TOM1L2: variants seen among roughly 807,000 people sequenced by gnomAD.
TOM1L2 encodes target of myb1 like 2 membrane trafficking protein.
TOM1L2 carries 31 observed loss-of-function variants against 67.9 expected under a neutral mutation model. That is an observed-to-expected ratio of 0.46 (90% confidence interval 0.34 to 0.62). TOM1L2 has a LOEUF of 0.62. Ranked by LOEUF, TOM1L2 falls within the 20% of genes least tolerant of loss-of-function variation. The pLI is 0.01. For missense variants in TOM1L2, 606 were observed against 663.5 expected, an observed-to-expected ratio of 0.91 and a Z score of 0.95; for synonymous variants, 256 against 254.0, an observed-to-expected ratio of 1.01 and a Z score of -0.07.
At chr17:17,862,377 C>A in intron 11 of TOM1L2, 1 of 195,346 alleles carries the variant, frequency 5.1e-6, no homozygotes. Flanking sequence ...ATGGCTGCAC[C>A]CTCCTGCTTC....
chr17:17,952,971 C>G (rs1047166261), intron 1 of TOM1L2, among the ~76,000 whole-genome samples: 1 of 152,158 alleles, frequency 6.6e-6, no homozygotes, highest in African/African-American at 2.4e-5. Flanking sequence ...GCCTGCCCAC[C>G]ACAATAGGGC....
intron 1 of TOM1L2, among the ~76,000 whole-genome samples, chr17:17,915,077 G>A (rs1289036026): frequency 6.6e-6 from 1 of 152,162 alleles, no homozygotes; most frequent in African/African-American, 2.4e-5. Flanking sequence ...CACCATAGCT[G>A]CATCCAGTAA....
At chr17:17,925,769 C>T (rs909329894) in intron 1 of TOM1L2, among the ~76,000 whole-genome samples, 12 of 150,070 alleles carry the variant, frequency 8.0e-5, no homozygotes, top group African/African-American at 2.5e-4. Flanking sequence ...GTAGGAAGAT[C>T]GCTTGAGCCC....
intron 1 of TOM1L2, among the ~76,000 whole-genome samples, chr17:17,956,578 T>C (rs1184773764): frequency 6.6e-6 from 1 of 152,090 alleles, no homozygotes; most frequent in Non-Finnish European, 1.5e-5. Flanking sequence ...TCGGGCCGCA[T>C]AGGAGCCCAC....
intron 7 of TOM1L2, among the ~76,000 whole-genome samples, chr17:17,877,912 C>T (rs1031129152): frequency 2.0e-5 from 3 of 152,034 alleles, no homozygotes; most frequent in Admixed American, 1.3e-4. Context: ...CCCTCTCCCC[C>T]CAAAACACGA....
At chr17:17,955,182 C>A (rs1568375855) in intron 1 of TOM1L2, among the ~76,000 whole-genome samples, 1 of 152,144 alleles carries the variant, frequency 6.6e-6, no homozygotes, top group Non-Finnish European at 1.5e-5. Context: ...GAAACAAACT[C>A]AACCTAGAAT....
At chr17:17,880,231 C>T (rs528683798) in intron 6 of TOM1L2, among the ~76,000 whole-genome samples, 1 of 152,324 alleles carries the variant, frequency 6.6e-6, no homozygotes, top group African/African-American at 2.4e-5. Flanking sequence ...ACTAGGATCC[C>T]TCTGAGAGGC....
At chr17:17,862,669 G>T in intron 11 of TOM1L2, 62 bp downstream of exon 11, 3 of 1,386,822 alleles carry the variant, frequency 2.2e-6, no homozygotes, top group South Asian at 1.2e-5. Flanking sequence ...GCTGGCCTGT[G>T]ACCAGGCATG....
intron 13 of TOM1L2, chr17:17,849,087 G>A: frequency 1.8e-6 from 1 of 566,924 alleles, no homozygotes; most frequent in Non-Finnish European, 3.1e-6. Flanking sequence ...ATTCAAACAT[G>A]TTTTAGGTTT....
intron 1 of TOM1L2, among the ~76,000 whole-genome samples, chr17:17,922,033 C>A (rs1390271906): frequency 6.6e-6 from 1 of 152,162 alleles, no homozygotes; most frequent in African/African-American, 2.4e-5. Context: ...TATCCAAAGA[C>A]TTCCCAGCTC....
intron 1 of TOM1L2, among the ~76,000 whole-genome samples, chr17:17,934,318 G>A (rs2040437230): frequency 6.6e-6 from 1 of 152,120 alleles, no homozygotes; most frequent in Non-Finnish European, 1.5e-5. Flanking sequence ...ATGTTGGTGT[G>A]CTCCTGTAGT....
At chr17:17,955,098 G>A (rs1352936818) in intron 1 of TOM1L2, among the ~76,000 whole-genome samples, 4 of 152,194 alleles carry the variant, frequency 2.6e-5, no homozygotes, top group African/African-American at 9.6e-5. Flanking sequence ...GGGTGTCATA[G>A]TTAGTCTCTC....
At chr17:17,910,770 C>T (rs1568244873) in intron 1 of TOM1L2, among the ~76,000 whole-genome samples, 1 of 151,994 alleles carries the variant, frequency 6.6e-6, no homozygotes, top group African/African-American at 2.4e-5. Context: ...GGTTTCGGCA[C>T]GTTGGCCAGA....
At chr17:17,907,282 G>GT (rs1449696317) in intron 2 of TOM1L2, among the ~76,000 whole-genome samples, 165 bp downstream of exon 2, 1 of 152,234 alleles carries the variant, frequency 6.6e-6, no homozygotes, top group Non-Finnish European at 1.5e-5. Context: ...GGGGAGGGAT[G>GT]AAGACAAAAA....
intron 1 of TOM1L2, among the ~76,000 whole-genome samples, chr17:17,928,171 G>T (rs192310201): frequency 3.3e-5 from 5 of 151,002 alleles, no homozygotes; most frequent in African/African-American, 9.8e-5. Context: ...AAAAAAATCA[G>T]TAGGAGACAG....
chr17:17,925,682 CAAAAAAAAAAAA>C (rs1193121320), intron 1 of TOM1L2, among the ~76,000 whole-genome samples: 1 of 79,738 alleles, frequency 1.3e-5, no homozygotes, highest in African/African-American at 5.1e-5. Context: ...TCGTGTCTAC[CAAAAAAAAAAAA>C]AAAAAAAAAA....
rs1053236324 is a variant in TOM1L2 at position 17,903,630 on chromosome 17, AT to A, written c.137+3816del. Among the ~76,000 whole-genome samples, 96 of 150,516 alleles carry A rather than the reference AT, an allele frequency of 6.4e-4. 3 individuals carry two copies. The highest frequency in any genetic ancestry group is 3.5e-3 in the Middle Eastern group (1 of 288). ...TCCATCTCAAAAAAAAAAAAAAAAA[AT>A]GTTGGGTAAAACAGATGGAAATCCT... On this transcript the variant is annotated intron_variant, in intron 2 of 14. Coordinates refer to ENST00000379504, the MANE Select transcript of TOM1L2 (RefSeq NM_001082968.2).
intron 1 of TOM1L2, among the ~76,000 whole-genome samples, chr17:17,959,000 G>A (rs2041583632): frequency 6.6e-6 from 1 of 152,192 alleles, no homozygotes; most frequent in African/African-American, 2.4e-5. Context: ...AAAGGTGCTG[G>A]GAGGCTGGCA....
At chr17:17,956,078 G>A (rs139006036) in intron 1 of TOM1L2, among the ~76,000 whole-genome samples, 1 of 152,170 alleles carries the variant, frequency 6.6e-6, no homozygotes, top group African/African-American at 2.4e-5. Context: ...TTGTTTCAAA[G>A]AGCAAAAGAA....
Sources: gnomAD v4.1 joint callset for allele counts (sites outside exome capture counted in the v4.1 genomes callset) on GRCh38, gnomAD v4.1.1 for gene constraint, MANE v1.5 for transcripts, NCBI Gene and HGNC (gene_info 2026-07-23, HGNC 2026-07-21) for gene names.